The following RCCD1 variants were observed in gnomAD, a reference collection of about 807,000 sequenced individuals.
RCCD1 encodes RCC1 domain-containing protein 1.
RCCD1 carries 40 observed loss-of-function variants against 37.6 expected under a neutral mutation model. The observed-to-expected ratio is 1.06, with a 90% CI of 0.83 to 1.39. The LOEUF is 1.39. Ranked by LOEUF, RCCD1 falls within the 40% of genes most tolerant of loss-of-function variation. The pLI is 0.00. For synonymous variants in RCCD1, 263 were observed against 230.0 expected (o/e 1.14, Z -1.30); for missense variants, 577 against 517.3 (o/e 1.12, Z -1.12).
At position 90,957,516 on chromosome 15, in the gene RCCD1, G is replaced by A; in HGVS notation, c.557+13G>A. ...GGGGCGGGGGCAGGTGAGCGGAGGCGGGGGCAGGTGAGGGCTGCTGATTGG... is the reference window on the plus strand; with the variant it reads ...GGGGCGGGGGCAGGTGAGCGGAGGCAGGGGCAGGTGAGGGCTGCTGATTGG... On this transcript the variant is annotated intron_variant, in intron 3 of 7. Transcript: ENST00000394258. The A allele has an allele frequency of 6.3e-7, 1 of 1,584,902 alleles. No homozygotes were observed.
intron 5 of RCCD1, 79 bp downstream of exon 5, chr15:90,960,077 C>T (rs972068947): frequency 1.0e-5 from 12 of 1,180,908 alleles, no homozygotes; most frequent in Admixed American, 2.0e-5. Context: ...ATGCTGGCCT[C>T]AGAGCTACAC....
Position 90,960,318 on chromosome 15 carries a change from C to A in RCCD1, c.779-10C>A. ...CAGTTGGTGTTCACATCATTATTAT[C>A]ATTCTGAAGCCACAGAACTGAATGA... is the stretch of plus-strand genomic sequence containing the variant. On this transcript the variant is annotated splice_polypyrimidine_tract_variant and intron_variant, in intron 5 of 7. Coordinates refer to ENST00000394258, the MANE Select transcript of RCCD1 (RefSeq NM_001017919.2). The A allele has an allele frequency of 6.3e-7, 1 of 1,589,214 alleles. No individual in the cohort carries two copies. The highest frequency in any genetic ancestry group is 1.1e-5 in the South Asian group (1 of 88,396).
chr15:90,957,312 A>G lies in RCCD1; in HGVS notation c.366A>G (p.Glu122=). The change falls in exon 3 of 8, where the codon GAA becomes GAG. Residue 122 remains glutamate (E), a synonymous_variant. Transcript: ENST00000394258. ...ATGTGGTGCCCGAGGCCGAAGGGGAAGACGATCCGGCCGGTGAGGCCCAGG... is the reference window on the plus strand; with the variant it reads ...ATGTGGTGCCCGAGGCCGAAGGGGAGGACGATCCGGCCGGTGAGGCCCAGG... ...AQNVVPEAEG[E]DDPAGEAQAG... The G allele has an allele frequency of 3.2e-6, 5 of 1,539,560 alleles. No individual in the cohort carries two copies. Among genetic ancestry groups the G allele is most frequent in the Non-Finnish European group, 4.4e-6 (5 of 1,141,006 alleles).
chr15:90,960,502 AGT>A lies in RCCD1; in HGVS notation c.949+6_949+7del, dbSNP rs759878742. 3.2e-5 allele frequency: 51 copies of A among 1,605,710 alleles called. No homozygotes were observed. In the African/African-American group the frequency reaches 5.5e-4, roughly 17 times the overall value. ...CGGCACACAGCTGTGGTGACACGTG[AGT>A]GGGGCTGGGAGGCACTCTGCTCCAC... On this transcript the variant is annotated splice_donor_5th_base_variant and intron_variant, in intron 6 of 7. Transcript: ENST00000394258.
intron 7 of RCCD1, 101 bp downstream of exon 7, chr15:90,961,155 G>A (rs909339237): frequency 1.2e-5 from 14 of 1,185,340 alleles, no homozygotes; most frequent in South Asian, 4.2e-5. Context: ...GGAAGCAGGG[G>A]CCTCGGCCAG....
chr15:90,960,751 C>G (rs148852016), intron 6 of RCCD1: 69 of 610,252 alleles, frequency 1.1e-4, no homozygotes, highest in Non-Finnish European at 1.8e-4. Context: ...ATTCCCTGCC[C>G]GCCGCCGCCT....
At chr15:90,955,292 C>G (rs577282019) in intron 1 of RCCD1, 6 of 152,340 alleles carry the variant, frequency 3.9e-5, no homozygotes, top group Admixed American at 3.9e-4. Flanking sequence ...TTGGCCGCCT[C>G]GCGCCGCGCG....
chr15:90,961,402 A>G (rs2037311582), intron 7 of RCCD1: 3 of 587,558 alleles, frequency 5.1e-6, no homozygotes, highest in South Asian at 2.1e-5. Context: ...CTTAGCTTGG[A>G]TAGCAGGGAA....
In RCCD1 at chr15:90,957,645, A is replaced by G; in HGVS notation, c.599A>G (p.Glu200Gly). The change falls in exon 4 of 8, where the codon GAG (glutamate) becomes GGG (glycine). Residue 200 changes from glutamate (E) to glycine (G), a missense_variant. Glu to Gly is a moderately conservative substitution (Grantham distance 98). Coordinates refer to ENST00000394258, the MANE Select transcript of RCCD1 (RefSeq NM_001017919.2). ...CATGGGACCCTGGAGGCAGAGCTGG[A>G]GCCACGGCTGTTGGAGGCGTTGCAG... ...LGHGTLEAELEPRLLEALQGL... is the reference protein window; with the variant it reads ...LGHGTLEAELGPRLLEALQGL... 6.2e-7 allele frequency: 1 copy of G among 1,614,116 alleles called. No individual in the cohort carries two copies. The highest frequency in any genetic ancestry group is 8.5e-7 in the Non-Finnish European group (1 of 1,180,012).
At position 90,957,584 on chromosome 15, in the gene RCCD1, C is replaced by T. The variant is rs200970918; in HGVS notation, c.558-20C>T. On this transcript the variant is annotated intron_variant, in intron 3 of 7. Transcript: ENST00000394258. ...GACCCCTTAATGCGACTGTAGCTGA[C>T]GACGGTCTCCCTTGCTCAGGCATGG... is the stretch of plus-strand genomic sequence containing the variant. 1.9e-6 allele frequency: 3 copies of T among 1,613,830 alleles called. No homozygotes were observed. The highest frequency in any genetic ancestry group is 2.2e-5 in the East Asian group (1 of 44,880).
chr15:90,959,871 GTT>G (rs2037277901), intron 4 of RCCD1, 27 bp from the exon 5 acceptor site: 2 of 1,539,258 alleles, frequency 1.3e-6, no homozygotes, highest in African/African-American at 1.4e-5. Flanking sequence ...TTCACAGTCT[GTT>G]TCATGTGTCC....
At chr15:90,959,189 G>T (rs2037265165) in intron 4 of RCCD1, among the ~76,000 whole-genome samples, 1 of 152,202 alleles carries the variant, frequency 6.6e-6, no homozygotes, top group African/African-American at 2.4e-5. Context: ...TAGGGATCCT[G>T]CGTAAATGGT....
At chr15:90,959,867 G>C (rs1465111449) in intron 4 of RCCD1, 33 bp from the exon 5 acceptor site, 1 of 1,511,458 alleles carries the variant, frequency 6.6e-7, no homozygotes, top group African/African-American at 1.4e-5. Context: ...GGGCTTCACA[G>C]TCTGTTTCAT....
chr15:90,961,278 C>CCTCT (rs1400107843), intron 7 of RCCD1: 1 of 598,426 alleles, frequency 1.7e-6, no homozygotes. Flanking sequence ...CACCCGCCTA[C>CCTCT]CTCTCTGAAA....
chr15:90,962,723 T>G lies in RCCD1; in HGVS notation c.*954T>G, dbSNP rs2037339431. On this transcript the variant is annotated 3_prime_UTR_variant, in exon 8 of 8. Transcript: ENST00000394258. ...TTGGCCACTTGGAGTTTTTCTGTTGTCAAGTGCCTGTTCAAGTTTTCTGGC... is the reference window on the plus strand; with the variant it reads ...TTGGCCACTTGGAGTTTTTCTGTTGGCAAGTGCCTGTTCAAGTTTTCTGGC... 1 of 152,234 alleles carries G rather than the reference T, an allele frequency of 6.6e-6. No individual in the cohort carries two copies. Among genetic ancestry groups the G allele is most frequent in the South Asian group, 2.1e-4 (1 of 4,834 alleles). 9.4% of individuals were successfully genotyped at this position (152,234 alleles called of 1,614,324 possible).
chr15:90,958,159 T>A (rs546687004), intron 4 of RCCD1, among the ~76,000 whole-genome samples: 2 of 152,184 alleles, frequency 1.3e-5, no homozygotes, highest in Non-Finnish European at 2.9e-5. Flanking sequence ...TGTGTCCCTG[T>A]GGTGGTGCCA....
At chr15:90,955,935 A>G (rs1204341357) in intron 1 of RCCD1, 1 of 152,176 alleles carries the variant, frequency 6.6e-6, no homozygotes, top group Admixed American at 6.5e-5. Flanking sequence ...TAAGATGTCC[A>G]GGGATAATTT....
At chr15:90,961,150 C>A in intron 7 of RCCD1, 96 bp downstream of exon 7, 2 of 1,251,506 alleles carry the variant, frequency 1.6e-6, no homozygotes, top group Non-Finnish European at 2.3e-6. Flanking sequence ...CTGGAGGAAG[C>A]AGGGGCCTCG....
chr15:90,960,945 T>C (rs1826670340), intron 6 of RCCD1, 80 bp from the exon 7 acceptor site: 1 of 1,304,642 alleles, frequency 7.7e-7, no homozygotes, highest in Non-Finnish European at 1.1e-6. Flanking sequence ...ATGCTAGCTG[T>C]GGGCTGTGCC....
Sources: gnomAD v4.1 joint callset for allele counts (sites outside exome capture counted in the v4.1 genomes callset) on GRCh38, gnomAD v4.1.1 for gene constraint, MANE v1.5 for transcripts, NCBI Gene and HGNC (gene_info 2026-07-23, HGNC 2026-07-21) for gene names.